The following DIAPH2 variants were observed in gnomAD, a reference collection of about 807,000 sequenced individuals.
The protein encoded by DIAPH2 is protein diaphanous homolog 2.
A neutral mutation model predicts 92.7 loss-of-function variants in DIAPH2; 35 were observed. The ratio of observed to expected loss-of-function variants is 0.38; its 90% CI spans 0.29 to 0.50. The LOEUF (loss-of-function observed/expected upper bound fraction) is 0.50. Ranked by LOEUF, DIAPH2 falls within the 20% of genes least tolerant of loss-of-function variation. The pLI, the probability that DIAPH2 is intolerant of heterozygous loss-of-function variation, is 0.94. For synonymous variants in DIAPH2, 301 were observed against 280.4 expected, an observed-to-expected ratio of 1.07 and a Z score of -0.73; for missense variants, 701 against 819.5, an observed-to-expected ratio of 0.86 and a Z score of 1.77.
At position 97,013,582 on chromosome X, in the gene DIAPH2, C is replaced by T. The variant is rs138518357; in HGVS notation, c.2050+48375C>T. On this transcript the variant is annotated intron_variant, in intron 17 of 26. Coordinates refer to ENST00000324765, the MANE Select transcript of DIAPH2 (RefSeq NM_006729.5). ...GTGGTTTCCCAAGGAGGCTTCCTTA[C>T]GGCATCATTCTGTTCTTGCAGACTG... Among the ~76,000 whole-genome samples, 15 of 112,497 alleles carry T rather than the reference C, an allele frequency of 1.3e-4. No homozygotes were observed. In the East Asian group the frequency reaches 2.5e-3, roughly 19 times the overall value.
chrX:97,409,007 A>C (rs2069839289), intron 25 of DIAPH2, among the ~76,000 whole-genome samples: 1 of 112,314 alleles, frequency 8.9e-6, no homozygotes, highest in Admixed American at 9.5e-5. Flanking sequence ...ATAGTTTAGT[A>C]ATGGGAGAGA....
intron 19 of DIAPH2, among the ~76,000 whole-genome samples, chrX:97,087,400 A>AAGGT (rs2066791018): frequency 8.9e-6 from 1 of 111,804 alleles, no homozygotes; most frequent in African/African-American, 3.2e-5. Context: ...AAAAGCAAAG[A>AAGGT]AGGTGTCTGC....
intron 24 of DIAPH2, among the ~76,000 whole-genome samples, chrX:97,360,184 G>T (rs1270276232): frequency 1.8e-5 from 2 of 111,311 alleles, no homozygotes; most frequent in Non-Finnish European, 3.8e-5. Context: ...TATTAATCAG[G>T]CACAAAAGAG....
intron 25 of DIAPH2, among the ~76,000 whole-genome samples, chrX:97,416,815 T>C (rs2069951451): frequency 8.9e-6 from 1 of 112,212 alleles, no homozygotes; most frequent in Non-Finnish European, 1.9e-5. Context: ...ATAACATGTT[T>C]ATCAAAAGGG....
At chrX:97,234,121 C>T (rs1008994016) in intron 22 of DIAPH2, among the ~76,000 whole-genome samples, 14 of 104,906 alleles carry the variant, frequency 1.3e-4, no homozygotes, top group African/African-American at 3.8e-4. Flanking sequence ...ATCGGGAGTT[C>T]GAGACCAGCC....
chrX:96,723,717 G>A (rs1450956667), intron 1 of DIAPH2, among the ~76,000 whole-genome samples: 1 of 111,697 alleles, frequency 9.0e-6, no homozygotes, highest in Non-Finnish European at 1.9e-5. Context: ...GCCCATGTAT[G>A]TAGAAAACTT....
At chrX:96,897,456 A>G (rs963827943) in intron 5 of DIAPH2, among the ~76,000 whole-genome samples, 1 of 111,058 alleles carries the variant, frequency 9.0e-6, no homozygotes, top group African/African-American at 3.3e-5. Flanking sequence ...TCAAAGTTGC[A>G]TAAGTCTTAC....
intron 22 of DIAPH2, among the ~76,000 whole-genome samples, chrX:97,165,275 A>G: frequency 9.0e-6 from 1 of 111,605 alleles, no homozygotes; most frequent in Non-Finnish European, 1.9e-5. Context: ...AAGAGTGGCC[A>G]TTTAGGTGGG....
intron 22 of DIAPH2, among the ~76,000 whole-genome samples, chrX:97,201,602 G>C (rs1017201206): frequency 8.3e-5 from 9 of 108,636 alleles, no homozygotes; most frequent in African/African-American, 2.7e-4. Flanking sequence ...AATTAGGTGT[G>C]CAGACAAGAT....
chrX:97,520,091 A>T (rs1313208165), intron 26 of DIAPH2, among the ~76,000 whole-genome samples: 2 of 112,359 alleles, frequency 1.8e-5, no homozygotes, highest in Admixed American at 9.5e-5. Context: ...AAAAGTGAAT[A>T]AAAAAATTCA....
At chrX:96,790,066 G>GT (rs1310032677) in intron 4 of DIAPH2, among the ~76,000 whole-genome samples, 1 of 107,148 alleles carries the variant, frequency 9.3e-6, no homozygotes, top group African/African-American at 3.4e-5. Context: ...TTTCTTTTTT[G>GT]TTTTTTGTTT....
chrX:97,032,558 C>CT (rs1435525355), intron 17 of DIAPH2, among the ~76,000 whole-genome samples: 3 of 109,095 alleles, frequency 2.7e-5, no homozygotes, highest in African/African-American at 3.3e-5. Context: ...TATCTGTAGG[C>CT]TTTTTTCTAT....
intron 19 of DIAPH2, among the ~76,000 whole-genome samples, chrX:97,076,391 G>A (rs1197537886): frequency 5.4e-5 from 6 of 110,961 alleles, no homozygotes; most frequent in African/African-American, 2.0e-4. Context: ...AATTAGCTGA[G>A]TGTGGTGGTG....
At chrX:97,553,897 A>G (rs755114600) in intron 26 of DIAPH2, among the ~76,000 whole-genome samples, 2 of 111,298 alleles carry the variant, frequency 1.8e-5, no homozygotes, top group Non-Finnish European at 3.8e-5. Flanking sequence ...CACTCAGCAC[A>G]TACCTGGTTT....
intron 3 of DIAPH2, among the ~76,000 whole-genome samples, chrX:96,751,557 A>ACGAC (rs1189062012): frequency 9.9e-5 from 10 of 101,235 alleles, no homozygotes; most frequent in Non-Finnish European, 1.8e-4. Context: ...GCCTGGGTGG[A>ACGAC]AGAGCGAGAC....
At chrX:96,945,652 T>C in intron 14 of DIAPH2, 61 bp downstream of exon 14, 1 of 799,553 alleles carries the variant, frequency 1.3e-6, no homozygotes, top group Non-Finnish European at 1.7e-6. Context: ...AGTAATACTC[T>C]ACCTTCTTTA....
chrX:97,434,066 C>T (rs1327782214), intron 26 of DIAPH2, among the ~76,000 whole-genome samples: 4 of 111,362 alleles, frequency 3.6e-5, no homozygotes, highest in Non-Finnish European at 1.9e-5. Flanking sequence ...AAGCATTTTT[C>T]AACAATGGCA....
intron 14 of DIAPH2, among the ~76,000 whole-genome samples, chrX:96,946,572 A>G (rs895999535): frequency 5.3e-5 from 6 of 112,178 alleles, no homozygotes; most frequent in African/African-American, 1.9e-4. Context: ...AATAGATTCT[A>G]AGAGCTTGAG....
chrX:97,001,105 C>A (rs188787032), intron 17 of DIAPH2, among the ~76,000 whole-genome samples: 17 of 111,484 alleles, frequency 1.5e-4, no homozygotes, highest in African/African-American at 4.9e-4. Context: ...TTCCTAAATG[C>A]CCTTGAGTTA....
Sources: allele counts gnomAD v4.1 joint callset (sites outside exome capture counted in the v4.1 genomes callset), GRCh38; gene constraint gnomAD v4.1.1; transcripts MANE v1.5; gene names NCBI Gene and HGNC (gene_info 2026-07-23, HGNC 2026-07-21).